Variants in COX7B2 observed in about 807,000 individuals in gnomAD.
The protein encoded by COX7B2 is cytochrome c oxidase subunit 7B2, mitochondrial.
For missense variants in COX7B2, 109 were observed against 95.9 expected, an observed-to-expected ratio of 1.14 and a Z score of -0.57; for synonymous variants, 37 against 32.1, an observed-to-expected ratio of 1.15 and a Z score of -0.51.
At chr4:46,904,043 T>C (rs142338711) in intron 1 of COX7B2, 9 of 152,332 alleles carry the variant, frequency 5.9e-5, no homozygotes, top group Non-Finnish European at 8.8e-5. Flanking sequence ...TGTATCTCTA[T>C]CATATTTTTA....
Position 46,786,288 on chromosome 4 carries a change from A to T in COX7B2, c.-49-51047T>A, listed in dbSNP as rs537233291. On this transcript the variant is annotated intron_variant, in intron 2 of 2. Coordinates refer to ENST00000355591, the MANE Select transcript of COX7B2 (RefSeq NM_130902.3). ...TCATGTTAATATCAAAATTCTGATG[A>T]TACTCATGTACCTATGTAGTACAGA... 2.6e-5 allele frequency among the ~76,000 whole-genome samples: 4 copies of T among 152,328 alleles called. No homozygotes were observed. The East Asian group carries it at 7.7e-4, about 29-fold the overall frequency.
At position 46,863,234 on chromosome 4, in the gene COX7B2, T is replaced by C. The variant is rs116271026; in HGVS notation, c.-104-18220A>G. 4.5e-3 allele frequency among the ~76,000 whole-genome samples: 680 copies of C among 152,292 alleles called. 7 individuals are homozygous for C. Among genetic ancestry groups the C allele is most frequent in the African/African-American group, 0.016 (659 of 41,586 alleles). ...ATGTAAATAAAGTTATAGATATACA[T>C]ATGTATTTTTGGTAAGGAAGGATAT... On this transcript the variant is annotated intron_variant, in intron 1 of 2. Coordinates refer to ENST00000355591, the MANE Select transcript of COX7B2 (RefSeq NM_130902.3).
chr4:46,901,206 G>C (rs1451128330), intron 1 of COX7B2, among the ~76,000 whole-genome samples: 1 of 152,136 alleles, frequency 6.6e-6, no homozygotes, highest in African/African-American at 2.4e-5. Context: ...GATATAACCT[G>C]TCATACACTG....
intron 2 of COX7B2, among the ~76,000 whole-genome samples, chr4:46,743,009 G>T (rs2109404585): frequency 6.6e-6 from 1 of 152,154 alleles, no homozygotes; most frequent in Non-Finnish European, 1.5e-5. Context: ...TAATCATAAG[G>T]TCCTTCCAAC....
intron 2 of COX7B2, among the ~76,000 whole-genome samples, chr4:46,809,899 A>G (rs962994147): frequency 6.6e-6 from 1 of 151,930 alleles, no homozygotes; most frequent in African/African-American, 2.4e-5. Context: ...ATGTTCATTA[A>G]TAGTTTACAT....
chr4:46,790,183 A>G (rs907408377), intron 2 of COX7B2, among the ~76,000 whole-genome samples: 1 of 152,176 alleles, frequency 6.6e-6, no homozygotes, highest in African/African-American at 2.4e-5. Flanking sequence ...AGAACGAGCA[A>G]TTTATCTGTC....
intron 2 of COX7B2, among the ~76,000 whole-genome samples, chr4:46,798,942 T>TAA (rs2109615898): frequency 6.6e-6 from 1 of 152,256 alleles, no homozygotes; most frequent in Non-Finnish European, 1.5e-5. Flanking sequence ...ACTCACAAGC[T>TAA]CTTTCAGCTC....
chr4:46,804,989 G>A (rs1718917476), intron 2 of COX7B2, among the ~76,000 whole-genome samples: 1 of 152,196 alleles, frequency 6.6e-6, no homozygotes, highest in African/African-American at 2.4e-5. Flanking sequence ...CGCATGGGAG[G>A]CAGCTAAGGC....
chr4:46,767,515 C>CTA (rs1270618957), intron 2 of COX7B2, among the ~76,000 whole-genome samples: 1 of 152,136 alleles, frequency 6.6e-6, no homozygotes, highest in South Asian at 2.1e-4. Context: ...ACTTAACAGA[C>CTA]ATATACAGAA....
intron 2 of COX7B2, among the ~76,000 whole-genome samples, chr4:46,829,852 G>C (rs1424749245): frequency 1.3e-5 from 2 of 152,104 alleles, no homozygotes; most frequent in East Asian, 3.9e-4. Flanking sequence ...TACAGATAAA[G>C]ATTTTGAACT....
intron 1 of COX7B2, among the ~76,000 whole-genome samples, chr4:46,885,373 A>G (rs1387553387): frequency 6.6e-6 from 1 of 152,162 alleles, no homozygotes; most frequent in Non-Finnish European, 1.5e-5. Flanking sequence ...AAATTTTGAA[A>G]CATTCCTCTT....
intron 2 of COX7B2, among the ~76,000 whole-genome samples, chr4:46,799,359 T>C (rs1041267649): frequency 1.3e-5 from 2 of 152,120 alleles, no homozygotes; most frequent in Non-Finnish European, 2.9e-5. Flanking sequence ...TATCTCTTTC[T>C]CTCCCCTTAT....
intron 1 of COX7B2, among the ~76,000 whole-genome samples, chr4:46,878,016 T>C (rs528978762): frequency 5.6e-4 from 80 of 142,184 alleles, no homozygotes; most frequent in African/African-American, 2.0e-3. Flanking sequence ...GAAATTGTAG[T>C]GCATACACAC....
At chr4:46,748,885 A>T (rs1484418156) in intron 2 of COX7B2, among the ~76,000 whole-genome samples, 4 of 152,118 alleles carry the variant, frequency 2.6e-5, no homozygotes, top group Non-Finnish European at 2.9e-5. Flanking sequence ...CACACTAATA[A>T]ACTTAATTGT....
chr4:46,792,248 A>G (rs1718088508), intron 2 of COX7B2, among the ~76,000 whole-genome samples: 1 of 152,194 alleles, frequency 6.6e-6, no homozygotes, highest in Non-Finnish European at 1.5e-5. Context: ...AATTCTTGTA[A>G]GGCATTCTCA....
chr4:46,746,642 A>G (rs576253875), intron 2 of COX7B2, among the ~76,000 whole-genome samples: 61 of 152,342 alleles, frequency 4.0e-4, no homozygotes, highest in Middle Eastern at 6.8e-3. Flanking sequence ...AAAGTTTCAT[A>G]TAAGTGTGAT....
At chr4:46,822,387 A>T (rs920937558) in intron 2 of COX7B2, among the ~76,000 whole-genome samples, 2 of 152,102 alleles carry the variant, frequency 1.3e-5, no homozygotes, top group Non-Finnish European at 2.9e-5. Flanking sequence ...AGATAAAAAA[A>T]AAAATAATAT....
intron 2 of COX7B2, among the ~76,000 whole-genome samples, chr4:46,813,901 A>C (rs1269217299): frequency 2.6e-5 from 4 of 152,186 alleles, no homozygotes. Context: ...TCAAAAGGAG[A>C]CATACAAGTG....
chr4:46,735,099 G>C lies in COX7B2; in HGVS notation c.94C>G (p.Pro32Ala), dbSNP rs768732297. 6.2e-7 allele frequency: 1 copy of C among 1,614,020 alleles called. No individual in the cohort carries two copies. Among genetic ancestry groups the C allele is most frequent in the Admixed American group, 1.7e-5 (1 of 60,002 alleles). ...TTACCATATTTATCATGAAAATCTG[G>C]TGAGTGTTTTACATGGCTATGTCTT... ...MARHSHVKHSPDFHDKYGNAV... is the reference protein window; with the variant it reads ...MARHSHVKHSADFHDKYGNAV... The change falls in exon 3 of 3, where the codon CCA (proline) becomes GCA (alanine). Residue 32 changes from proline (P) to alanine (A), a missense_variant. Physicochemically the swap from Pro to Ala is conservative, Grantham distance 27. Coordinates refer to ENST00000355591, the MANE Select transcript of COX7B2 (RefSeq NM_130902.3).
Sources: gnomAD v4.1 joint callset for allele counts (sites outside exome capture counted in the v4.1 genomes callset) on GRCh38, gnomAD v4.1.1 for gene constraint, MANE v1.5 for transcripts, NCBI Gene and HGNC (gene_info 2026-07-23, HGNC 2026-07-21) for gene names.